HK1: variants seen among roughly 807,000 people sequenced by gnomAD.
The protein encoded by HK1 is hexokinase-1.
In HK1, 28 loss-of-function variants were observed where a neutral mutation model predicts 91.6. The ratio of observed to expected loss-of-function variants is 0.31; its 90% CI spans 0.23 to 0.42. The LOEUF (loss-of-function observed/expected upper bound fraction) is 0.42. Ranked by LOEUF, HK1 falls within the 10% of genes least tolerant of loss-of-function variation. The pLI, the probability that HK1 is intolerant of heterozygous loss-of-function variation, is 1.00. For synonymous variants in HK1, 430 were observed against 468.1 expected (o/e 0.92, Z 1.05); for missense variants, 770 against 1,219.8 (o/e 0.63, Z 5.49).
chr10:69,292,959 G>A (rs930748386), intron 3 of HK1, among the ~76,000 whole-genome samples: 2 of 152,158 alleles, frequency 1.3e-5, no homozygotes, highest in Non-Finnish European at 2.9e-5. Context: ...CCTATCCCCT[G>A]CTAGTGGTAG....
At chr10:69,360,575 G>A (rs1849368731) in intron 3 of HK1, among the ~76,000 whole-genome samples, 1 of 152,208 alleles carries the variant, frequency 6.6e-6, no homozygotes, top group Non-Finnish European at 1.5e-5. Context: ...GGCACAGAAA[G>A]CAGAGGAAGC....
chr10:69,289,773 AT>A (rs35585147), intron 3 of HK1, among the ~76,000 whole-genome samples: 98,111 of 135,594 alleles, frequency 0.72, 36,023 homozygotes, highest in East Asian at 0.98. Context: ...CACCCGGCCA[AT>A]TTTTTTTTTT....
At chr10:69,335,143 A>C (rs1479269763) in intron 1 of HK1, among the ~76,000 whole-genome samples, 4 of 152,182 alleles carry the variant, frequency 2.6e-5, no homozygotes, top group Non-Finnish European at 5.9e-5. Context: ...AGAGCAGGAC[A>C]GAAACTAGGT....
chr10:69,303,194 G>C (rs72805681), intron 5 of HK1, among the ~76,000 whole-genome samples: 33,777 of 152,072 alleles, frequency 0.22, 4,950 homozygotes, highest in Non-Finnish European at 0.34. Flanking sequence ...GTAATGTGGT[G>C]GGGGGAGGGG....
chr10:69,325,867 C>A (rs911464849), intron 1 of HK1, among the ~76,000 whole-genome samples: 7 of 150,468 alleles, frequency 4.7e-5, no homozygotes, highest in African/African-American at 9.8e-5. Context: ...CAGAGTCTTA[C>A]TCTGTCGCCT....
upstream of HK1, among the ~76,000 whole-genome samples, chr10:69,310,864 C>T (rs1846338173): frequency 6.6e-6 from 1 of 152,154 alleles, no homozygotes. Context: ...CGAGACCAGC[C>T]TGGCCAAAAT....
rs1474576163 is a variant in HK1, at chr10:69,325,797, G to A, written c.63+6787G>A. ...AGTGATCTGCCCGCCTTGGCCTCCC[G>A]AAATGCTGGGATTACGGGTGCCAGC... is the stretch of plus-strand genomic sequence containing the variant. On this transcript the variant is annotated intron_variant, in intron 1 of 17. Coordinates refer to ENST00000359426, the MANE Select transcript of HK1 (RefSeq NM_000188.3). 2.7e-5 allele frequency among the ~76,000 whole-genome samples: 4 copies of A among 149,592 alleles called. No individual in the cohort carries two copies. The East Asian group carries it at 6.0e-4, about 22-fold the overall frequency.
At chr10:69,315,721 C>A (rs1470104459), upstream of HK1, 1 of 592,090 alleles carries the variant, frequency 1.7e-6, no homozygotes, top group Non-Finnish European at 3.1e-6. Context: ...ATAGGACCAG[C>A]CCCCTAGAAG....
intron 7 of HK1, among the ~76,000 whole-genome samples, chr10:69,370,814 G>T (rs934939437): frequency 2.0e-5 from 3 of 152,168 alleles, no homozygotes; most frequent in African/African-American, 7.2e-5. Context: ...AAGAACAGAA[G>T]TAAGAGTGAT....
intron 12 of HK1, among the ~76,000 whole-genome samples, chr10:69,385,510 G>A (rs1048204914): frequency 4.6e-5 from 7 of 152,326 alleles, no homozygotes; most frequent in East Asian, 3.9e-4. Flanking sequence ...GGGCTGGGGA[G>A]TGGATTCTGG....
intron 3 of HK1, among the ~76,000 whole-genome samples, chr10:69,289,942 A>G (rs1464196651): frequency 6.6e-6 from 1 of 152,008 alleles, no homozygotes; most frequent in Admixed American, 6.6e-5. Context: ...CTTACATCTT[A>G]AAGAGCTTTG....
intron 14 of HK1, among the ~76,000 whole-genome samples, chr10:69,391,631 G>C (rs564913986): frequency 1.1e-4 from 16 of 152,322 alleles, no homozygotes; most frequent in Admixed American, 2.6e-4. Context: ...GACAGAGCCA[G>C]ACCCTGTCTT....
At chr10:69,276,240 TTTGC>T (rs1392664076) in intron 1 of HK1, among the ~76,000 whole-genome samples, 3 of 150,824 alleles carry the variant, frequency 2.0e-5, no homozygotes, top group Non-Finnish European at 4.4e-5. Context: ...ATTTTGTTTG[TTTGC>T]TTGCTTGATC....
chr10:69,382,395 A>C (rs544126116), intron 9 of HK1, 92 bp from the exon 10 acceptor site: 1 of 1,325,802 alleles, frequency 7.5e-7, no homozygotes, highest in East Asian at 2.3e-5. Context: ...AAAAGAAAAA[A>C]GAGTTAAAGA....
intron 15 of HK1, 125 bp downstream of exon 15, chr10:69,392,433 C>A (rs1484416546): frequency 1.0e-6 from 1 of 977,274 alleles, no homozygotes; most frequent in South Asian, 1.4e-5. Context: ...CAAGACTGGA[C>A]CCCCTGGCTC....
At position 69,401,267 on chromosome 10, in the gene HK1, C is replaced by A; in HGVS notation, c.*132C>A. 1 of 936,350 alleles carries A rather than the reference C, an allele frequency of 1.1e-6. No individual in the cohort carries two copies. Among genetic ancestry groups the A allele is most frequent in the Non-Finnish European group, 1.7e-6 (1 of 603,414 alleles). The allele number at this position is 936,350 out of a possible 1,614,324, so 58.0% of individuals were successfully genotyped here. ...CCGGCGCGGGGAGGAAAGCAAAATC[C>A]AACTAATGGTATATATTGTAGGGTA... On this transcript the variant is annotated 3_prime_UTR_variant, in exon 18 of 18. Coordinates refer to ENST00000359426, the MANE Select transcript of HK1 (RefSeq NM_000188.3).
chr10:69,301,439 T>A (rs1469003696), intron 5 of HK1, among the ~76,000 whole-genome samples: 1 of 149,876 alleles, frequency 6.7e-6, no homozygotes, highest in Non-Finnish European at 1.5e-5. Context: ...CCAGTTGTGG[T>A]GGCACACACC....
In HK1 at chr10:69,366,606, C is replaced by T. The variant is rs527908303; in HGVS notation, c.495+1704C>T. Among the ~76,000 whole-genome samples, 99 of 152,266 alleles carry T rather than the reference C, an allele frequency of 6.5e-4. 1 individual carries two copies. Among genetic ancestry groups the T allele is most frequent in the Non-Finnish European group, 1.5e-4 (10 of 68,018 alleles). ...CACCTCCAACATGTCTAAATGCCTC[C>T]GAGATGTTCTGTCTGACCTGTTATG... On this transcript the variant is annotated intron_variant, in intron 4 of 17. Coordinates refer to ENST00000359426, the MANE Select transcript of HK1 (RefSeq NM_000188.3).
At chr10:69,309,772 C>A (rs1846276859) in intron 5 of HK1, among the ~76,000 whole-genome samples, 1 of 150,716 alleles carries the variant, frequency 6.6e-6, no homozygotes. Context: ...CTCGGCCAGG[C>A]GAGGTGGCTC....
Sources: gnomAD v4.1 joint callset for allele counts (sites outside exome capture counted in the v4.1 genomes callset) on GRCh38, gnomAD v4.1.1 for gene constraint, MANE v1.5 for transcripts, NCBI Gene and HGNC (gene_info 2026-07-23, HGNC 2026-07-21) for gene names.